ALK: variants seen among roughly 807,000 people sequenced by gnomAD.
The protein encoded by ALK is ALK tyrosine kinase receptor.
ALK carries 74 observed loss-of-function variants against 163.1 expected under a neutral mutation model. The observed-to-expected ratio is 0.45, with a 90% CI of 0.38 to 0.55. The LOEUF (loss-of-function observed/expected upper bound fraction) is 0.55, where lower values mean the gene tolerates loss of function less well. Among genes scored for constraint, ALK ranks in the 20% least tolerant of loss-of-function variants. The pLI is 0.00. For synonymous variants in ALK, 960 were observed against 843.2 expected (o/e 1.14, Z -2.40); for missense variants, 2,063 against 2,105.3 (o/e 0.98, Z 0.39).
At chr2:29,572,519 C>A (rs2148191331) in intron 3 of ALK, among the ~76,000 whole-genome samples, 1 of 152,244 alleles carries the variant, frequency 6.6e-6, no homozygotes. Context: ...CTGGTATGCC[C>A]CCCTGACCTT....
At chr2:29,433,869 A>C (rs1670335984) in intron 4 of ALK, among the ~76,000 whole-genome samples, 2 of 152,224 alleles carry the variant, frequency 1.3e-5, no homozygotes, top group Admixed American at 1.3e-4. Context: ...TGAATGAACA[A>C]ATAAATGAAC....
At chr2:29,740,350 G>T (rs748412270) in intron 1 of ALK, among the ~76,000 whole-genome samples, 2 of 152,118 alleles carry the variant, frequency 1.3e-5, no homozygotes, top group Admixed American at 6.5e-5. Context: ...GACAGACAAA[G>T]AGGGAGAGAG....
intron 5 of ALK, among the ~76,000 whole-genome samples, chr2:29,337,403 A>G (rs1331601544): frequency 6.6e-6 from 1 of 152,178 alleles, no homozygotes. Context: ...ACCATGAACA[A>G]GTCTCTTTCT....
At chr2:29,820,163 G>A (rs1665010273) in intron 1 of ALK, among the ~76,000 whole-genome samples, 1 of 152,192 alleles carries the variant, frequency 6.6e-6, no homozygotes, top group African/African-American at 2.4e-5. Context: ...ACAGGATTAG[G>A]TTACAGAAGG....
chr2:29,852,432 C>T (rs563489279), intron 1 of ALK, among the ~76,000 whole-genome samples: 43 of 152,320 alleles, frequency 2.8e-4, no homozygotes, highest in African/African-American at 8.7e-4. Context: ...CCAGCCAGAC[C>T]TACAAGTAAG....
intron 4 of ALK, among the ~76,000 whole-genome samples, chr2:29,521,907 T>C (rs747375572): frequency 1.3e-5 from 2 of 152,236 alleles, no homozygotes; most frequent in African/African-American, 2.4e-5. Flanking sequence ...AGGCTCTCTA[T>C]GACCTTCGGC....
chr2:29,275,480 C>A lies in ALK; in HGVS notation c.1834G>T (p.Val612Phe), dbSNP rs1431784023. ...DVSDRFWLQM[V>F]AWWGQGSRAI... is the part of the protein sequence containing the mutation. The stretch of plus-strand genomic sequence containing the variant: ...CTGGATCCTTGTCCCCACCATGCGA[C>A]CATCTGCAGCCAGAACCTGTACACA... The change falls in exon 10 of 29, where the codon GTC becomes TTC. Residue 612 changes from valine (V) to phenylalanine (F), a missense_variant. By Grantham distance (50) the Val-to-Phe change is conservative (BLOSUM62 -1). Around this residue, in one of 5 missense-constraint regions of ALK, gnomAD observed 987 missense variants for 939.5 expected, o/e 1.05. Transcript: ENST00000389048. The A allele has an allele frequency of 1.2e-6, 2 of 1,614,104 alleles. No individual in the cohort carries two copies. The highest frequency in any genetic ancestry group is 1.7e-6 in the Non-Finnish European group (2 of 1,180,012).
intron 1 of ALK, among the ~76,000 whole-genome samples, chr2:29,901,531 T>G (rs1350853474): frequency 6.6e-6 from 1 of 152,194 alleles, no homozygotes; most frequent in Non-Finnish European, 1.5e-5. Flanking sequence ...AGTCCCAGCT[T>G]CAAGCCCACC....
At chr2:29,876,135 G>A (rs1352379662) in intron 1 of ALK, among the ~76,000 whole-genome samples, 1 of 152,128 alleles carries the variant, frequency 6.6e-6, no homozygotes, top group Non-Finnish European at 1.5e-5. Flanking sequence ...CTTACTTTAT[G>A]TTTCTGATTC....
intron 3 of ALK, among the ~76,000 whole-genome samples, chr2:29,553,129 T>C (rs1047282891): frequency 6.6e-6 from 1 of 152,238 alleles, no homozygotes; most frequent in African/African-American, 2.4e-5. Context: ...GTTGAAACTT[T>C]ATTTCCATTG....
At chr2:29,875,624 C>G (rs182445443) in intron 1 of ALK, among the ~76,000 whole-genome samples, 38 of 152,162 alleles carry the variant, frequency 2.5e-4, no homozygotes, top group African/African-American at 8.7e-4. Flanking sequence ...GATGTTCCTC[C>G]CACTGTGTCC....
At chr2:29,459,446 T>G (rs1671033708) in intron 4 of ALK, among the ~76,000 whole-genome samples, 1 of 152,278 alleles carries the variant, frequency 6.6e-6, no homozygotes, top group South Asian at 2.1e-4. Context: ...GGGCTGGAGA[T>G]TCCTTAAAAC....
At chr2:29,638,359 A>G (rs1223824147) in intron 3 of ALK, among the ~76,000 whole-genome samples, 1 of 152,180 alleles carries the variant, frequency 6.6e-6, no homozygotes, top group Non-Finnish European at 1.5e-5. Context: ...TACACCTTCC[A>G]AGAGCTCCTC....
intron 3 of ALK, among the ~76,000 whole-genome samples, chr2:29,596,962 T>C (rs1482276687): frequency 1.3e-5 from 2 of 152,224 alleles, no homozygotes; most frequent in Non-Finnish European, 2.9e-5. Context: ...TGCCTGATAC[T>C]GAATTCCTCC....
chr2:29,633,079 T>C lies in ALK; in HGVS notation c.952+61771A>G, dbSNP rs75356041. On this transcript the variant is annotated intron_variant, in intron 3 of 28. Transcript: ENST00000389048. ...GAACTTCTAACCTCTAGAACAGAAA[T>C]CTCTCTTAGTTACACAACCTCATCT... Among the ~76,000 whole-genome samples the C allele has an allele frequency of 3.9e-3, 595 of 152,240 alleles. 1 individual carries two copies. Among genetic ancestry groups the C allele is most frequent in the African/African-American group, 0.013 (536 of 41,558 alleles).
intron 3 of ALK, among the ~76,000 whole-genome samples, chr2:29,683,590 T>C (rs1189819892): frequency 6.6e-6 from 1 of 152,180 alleles, no homozygotes; most frequent in Admixed American, 6.5e-5. Context: ...GCCCTGTGTA[T>C]TCTTTCAAGC....
intron 3 of ALK, among the ~76,000 whole-genome samples, chr2:29,605,793 C>G (rs1675527684): frequency 6.6e-6 from 1 of 152,128 alleles, no homozygotes; most frequent in African/African-American, 2.4e-5. Context: ...GTGAAGGCAC[C>G]AGCTTACTGG....
intron 3 of ALK, among the ~76,000 whole-genome samples, chr2:29,617,059 A>G (rs906536074): frequency 6.6e-6 from 1 of 152,100 alleles, no homozygotes; most frequent in Non-Finnish European, 1.5e-5. Flanking sequence ...GGCATAAAAC[A>G]CAGCCCACCC....
chr2:29,257,498 T>C (rs1335587726), intron 11 of ALK, among the ~76,000 whole-genome samples: 1 of 152,100 alleles, frequency 6.6e-6, no homozygotes, highest in African/African-American at 2.4e-5. Flanking sequence ...TAGACAATGA[T>C]TGTCCTGGTT....
Sources: gnomAD v4.1 joint callset for allele counts (sites outside exome capture counted in the v4.1 genomes callset) on GRCh38, gnomAD v4.1.1 for gene constraint, gnomAD v4.1.1 regional missense constraint, MANE v1.5 for transcripts, NCBI Gene and HGNC (gene_info 2026-07-23, HGNC 2026-07-21) for gene names.